HDAC9: variants seen among roughly 807,000 people sequenced by gnomAD.
The protein encoded by HDAC9 is histone deacetylase 9.
HDAC9 carries 41 observed loss-of-function variants against 139.4 expected under a neutral mutation model. The ratio of observed to expected loss-of-function variants is 0.29; its 90% CI spans 0.23 to 0.38. HDAC9 has a LOEUF of 0.38. Among genes scored for constraint, HDAC9 ranks in the 10% least tolerant of loss-of-function variants. The pLI is 1.00. For missense variants in HDAC9, 1,147 were observed against 1,297.0 expected (o/e 0.88, Z 1.78); for synonymous variants, 517 against 476.2 (o/e 1.09, Z -1.12).
chr7:18,885,521 A>G (rs1187407807), intron 22 of HDAC9, among the ~76,000 whole-genome samples: 1 of 152,192 alleles, frequency 6.6e-6, no homozygotes, highest in African/African-American at 2.4e-5. Context: ...ACAACCGTTT[A>G]TATTTCTAAT....
At chr7:18,801,945 T>C (rs954431450) in intron 17 of HDAC9, among the ~76,000 whole-genome samples, 1 of 151,958 alleles carries the variant, frequency 6.6e-6, no homozygotes, top group Non-Finnish European at 1.5e-5. Flanking sequence ...ACCGCTTATT[T>C]TTCCTCTTTT....
chr7:18,124,566 T>A (rs1268445579), intron 1 of HDAC9, among the ~76,000 whole-genome samples: 1 of 152,236 alleles, frequency 6.6e-6, no homozygotes, highest in Non-Finnish European at 1.5e-5. Flanking sequence ...TGAGAAGCTG[T>A]GGTCCTGGTA....
chr7:18,444,585 G>C (rs1446074185), intron 1 of HDAC9, among the ~76,000 whole-genome samples: 1 of 151,984 alleles, frequency 6.6e-6, no homozygotes, highest in Non-Finnish European at 1.5e-5. Context: ...ATGAGTTGAT[G>C]GTATCCTAGA....
chr7:18,732,416 A>G (rs1231541771), intron 13 of HDAC9, among the ~76,000 whole-genome samples: 1 of 149,452 alleles, frequency 6.7e-6, no homozygotes, highest in African/African-American at 2.5e-5. Context: ...ATACATATCT[A>G]TGTGCATGTG....
At chr7:18,417,672 C>T (rs1180841604) in intron 1 of HDAC9, among the ~76,000 whole-genome samples, 3 of 152,154 alleles carry the variant, frequency 2.0e-5, no homozygotes, top group East Asian at 1.9e-4. Flanking sequence ...CTTCTGGATA[C>T]TCTACTGAAT....
intron 22 of HDAC9, among the ~76,000 whole-genome samples, chr7:18,923,482 T>G (rs976236039): frequency 1.3e-5 from 2 of 152,066 alleles, no homozygotes; most frequent in African/African-American, 4.8e-5. Flanking sequence ...CATACCCAGC[T>G]ATTCCCCAAA....
chr7:18,307,680 G>A (rs1799020282), intron 1 of HDAC9, among the ~76,000 whole-genome samples: 1 of 152,040 alleles, frequency 6.6e-6, no homozygotes, highest in Non-Finnish European at 1.5e-5. Context: ...GTACATACAT[G>A]TAGCCCCAGC....
At chr7:18,294,314 C>T (rs1312148420) in intron 1 of HDAC9, among the ~76,000 whole-genome samples, 1 of 152,050 alleles carries the variant, frequency 6.6e-6, no homozygotes, top group East Asian at 1.9e-4. Context: ...GGGTATTTAA[C>T]TAATGTTCTT....
At chr7:18,772,862 A>G (rs914822531) in intron 16 of HDAC9, among the ~76,000 whole-genome samples, 2 of 152,102 alleles carry the variant, frequency 1.3e-5, no homozygotes, top group Non-Finnish European at 2.9e-5. Context: ...GAAAAAATGC[A>G]TGAAATATTA....
chr7:18,154,007 G>A (rs1786983672), intron 1 of HDAC9, among the ~76,000 whole-genome samples: 1 of 152,112 alleles, frequency 6.6e-6, no homozygotes, highest in Non-Finnish European at 1.5e-5. Context: ...CCAAAATAGA[G>A]GGACCTTAAG....
intron 1 of HDAC9, among the ~76,000 whole-genome samples, chr7:18,489,998 CT>C (rs1179860558): frequency 6.6e-6 from 1 of 152,066 alleles, no homozygotes; most frequent in East Asian, 1.9e-4. Context: ...AGCAATCCAC[CT>C]TAGTCTTTCA....
At chr7:18,946,644 C>G (rs937240560) in intron 23 of HDAC9, among the ~76,000 whole-genome samples, 1 of 152,050 alleles carries the variant, frequency 6.6e-6, no homozygotes, top group South Asian at 2.1e-4. Context: ...GTGTCTAAGA[C>G]AGCATGAAAA....
intron 22 of HDAC9, among the ~76,000 whole-genome samples, chr7:18,933,828 C>A (rs1781431514): frequency 6.6e-6 from 1 of 151,740 alleles, no homozygotes; most frequent in Admixed American, 6.6e-5. Context: ...CAATAAGTCA[C>A]GAAATAGAAC....
intron 1 of HDAC9, among the ~76,000 whole-genome samples, chr7:18,356,063 A>G (rs915873779): frequency 2.6e-5 from 4 of 152,160 alleles, no homozygotes; most frequent in African/African-American, 9.7e-5. Flanking sequence ...GACCAAATTT[A>G]TGGTATCTAA....
intron 2 of HDAC9, among the ~76,000 whole-genome samples, chr7:18,219,072 C>T (rs1458644258): frequency 1.3e-5 from 2 of 151,818 alleles, no homozygotes; most frequent in South Asian, 2.1e-4. Context: ...ATACTAGGTA[C>T]AATATTTTAA....
intron 2 of HDAC9, among the ~76,000 whole-genome samples, chr7:18,191,402 T>A (rs987348838): frequency 2.6e-5 from 4 of 152,206 alleles, no homozygotes; most frequent in African/African-American, 7.2e-5. Flanking sequence ...TTCTCCATAG[T>A]CTTATCACTC....
intron 25 of HDAC9, among the ~76,000 whole-genome samples, chr7:18,977,549 G>A (rs1784621783): frequency 6.6e-6 from 1 of 152,172 alleles, no homozygotes; most frequent in South Asian, 2.1e-4. Context: ...TGTAGGCAAA[G>A]TTGTTTATCC....
intron 1 of HDAC9, among the ~76,000 whole-genome samples, chr7:18,307,102 T>A (rs1337294371): frequency 8.1e-5 from 1 of 12,300 alleles, no homozygotes; most frequent in East Asian, 0.013. Context: ...AGTTCTTGTG[T>A]GTGTGTGTGT....
At chr7:18,496,577 A>G (rs1796999485) in intron 2 of HDAC9, 1 of 488,924 alleles carries the variant, frequency 2.0e-6, no homozygotes, top group Non-Finnish European at 3.6e-6. Context: ...TGAGACTGAG[A>G]TAAGTAAAAT....
Sources: allele counts gnomAD v4.1 joint callset (sites outside exome capture counted in the v4.1 genomes callset), GRCh38; gene constraint gnomAD v4.1.1; transcripts MANE v1.5; gene names NCBI Gene and HGNC (gene_info 2026-07-23, HGNC 2026-07-21).